MVB12B: variants seen among roughly 807,000 people sequenced by gnomAD.
MVB12B encodes the protein multivesicular body subunit 12B.
In MVB12B, 16 loss-of-function variants were observed where a neutral mutation model predicts 41.6. The observed-to-expected ratio is 0.38, with a 90% confidence interval of 0.26 to 0.58. MVB12B has a LOEUF of 0.58. Ranked by LOEUF, MVB12B falls within the 20% of genes least tolerant of loss-of-function variation. MVB12B has a pLI of 0.62. For missense variants in MVB12B, 274 were observed against 380.2 expected, an observed-to-expected ratio of 0.72 and a Z score of 2.32; for synonymous variants, 133 against 139.7, an observed-to-expected ratio of 0.95 and a Z score of 0.34.
rs375644132 is a variant in MVB12B at position 126,484,050 on chromosome 9, G to A, written c.873+18G>A. The A allele has an allele frequency of 3.8e-5, 62 of 1,613,228 alleles. No individual in the cohort carries two copies. Among genetic ancestry groups the A allele is most frequent in the Non-Finnish European group, 4.9e-5 (58 of 1,179,382 alleles). On this transcript the variant is annotated intron_variant, in intron 9 of 9. Transcript: ENST00000361171. ...AAAAAGAGGTAAGCAAGCCATCAGG[G>A]GAGGGGAGGGCAGGCCTGGGCCATC...
At position 126,473,700 on chromosome 9, in the gene MVB12B, T is replaced by C. The variant is rs1184442945; in HGVS notation, c.758-7669T>C. On this transcript the variant is annotated intron_variant, in intron 7 of 9. Transcript: ENST00000361171. The surrounding 1 kb of genome is among the most constrained non-coding windows in gnomAD (Gnocchi z 4.0). ...CACAAGGACAGCACCACGGGGAAGC[T>C]GCTAAACCATCCACAAGAAATCCTC... Among the ~76,000 whole-genome samples, 2 of 152,202 alleles carry C rather than the reference T, an allele frequency of 1.3e-5. No homozygotes were observed. The highest frequency in any genetic ancestry group is 2.9e-5 in the Non-Finnish European group (2 of 68,036).
chr9:126,364,187 C>T (rs1830100785), intron 2 of MVB12B, among the ~76,000 whole-genome samples: 1 of 152,200 alleles, frequency 6.6e-6, no homozygotes, highest in South Asian at 2.1e-4. Context: ...GCAATTACAG[C>T]TGGCAATGTG....
chr9:126,498,867 G>A (rs1157323460), intron 9 of MVB12B, among the ~76,000 whole-genome samples: 2 of 152,196 alleles, frequency 1.3e-5, no homozygotes, highest in Non-Finnish European at 2.9e-5. Context: ...GGTGATTAGT[G>A]CAATTAATAC....
At position 126,392,562 on chromosome 9, in the gene MVB12B, G is replaced by A. The variant is rs1830990593; in HGVS notation, c.539+367G>A. Among the ~76,000 whole-genome samples the A allele has an allele frequency of 6.6e-6, 1 of 152,232 alleles. No homozygotes were observed. Among genetic ancestry groups the A allele is most frequent in the Admixed American group, 6.5e-5 (1 of 15,284 alleles). Reference sequence around the variant, plus strand: ...CCACGGGGCCAAGGCCACTGGATGTGGATATAAGTGAGGCAAAGGCCGTGC... The same window carrying A: ...CCACGGGGCCAAGGCCACTGGATGTAGATATAAGTGAGGCAAAGGCCGTGC... On this transcript the variant is annotated intron_variant, in intron 5 of 9. Transcript: ENST00000361171. The surrounding 1 kb of genome is among the most constrained non-coding windows in gnomAD (Gnocchi z 4.8).
chr9:126,337,502 T>C (rs918383999), intron 1 of MVB12B, among the ~76,000 whole-genome samples: 1 of 152,196 alleles, frequency 6.6e-6, no homozygotes, highest in African/African-American at 2.4e-5. Flanking sequence ...TTTTAAAATA[T>C]AATTAGTGTT....
At chr9:126,446,603 G>A (rs1276878569) in intron 7 of MVB12B, among the ~76,000 whole-genome samples, 1 of 150,260 alleles carries the variant, frequency 6.7e-6, no homozygotes, top group Non-Finnish European at 1.5e-5. Flanking sequence ...GTTTCTTTCA[G>A]CATTAGTGAT....
At chr9:126,400,947 G>A (rs113059342) in intron 6 of MVB12B, among the ~76,000 whole-genome samples, 5 of 152,276 alleles carry the variant, frequency 3.3e-5, no homozygotes, top group African/African-American at 7.2e-5. Flanking sequence ...TAGGATTTTC[G>A]GGACATCTCA....
intron 7 of MVB12B, among the ~76,000 whole-genome samples, chr9:126,434,746 G>A (rs141992119): frequency 0.013 from 2,048 of 152,290 alleles, 23 homozygotes; most frequent in Non-Finnish European, 0.019. Flanking sequence ...GGCCCAAGAC[G>A]TAGCTTCTTT....
At chr9:126,462,166 GAATA>G (rs1157296089) in intron 7 of MVB12B, among the ~76,000 whole-genome samples, 1 of 152,206 alleles carries the variant, frequency 6.6e-6, no homozygotes, top group African/African-American at 2.4e-5. Context: ...TTAATTATTT[GAATA>G]AATAACAAGT....
intron 6 of MVB12B, among the ~76,000 whole-genome samples, chr9:126,415,957 C>T (rs1040526809): frequency 2.0e-5 from 3 of 152,282 alleles, no homozygotes; most frequent in South Asian, 2.1e-4. Context: ...TGCAAAGGCC[C>T]TAAGGCAGGA....
intron 5 of MVB12B, among the ~76,000 whole-genome samples, chr9:126,394,260 A>C (rs535011529): frequency 6.6e-6 from 1 of 152,358 alleles, no homozygotes; most frequent in South Asian, 2.1e-4. Flanking sequence ...CAATTTAGTA[A>C]TGAACTTTTA....
chr9:126,386,874 G>A lies in MVB12B; in HGVS notation c.409+216G>A, dbSNP rs915523583. Among the ~76,000 whole-genome samples the A allele has an allele frequency of 2.0e-5, 3 of 152,104 alleles. No homozygotes were observed. Among genetic ancestry groups the A allele is most frequent in the South Asian group, 2.1e-4 (1 of 4,828 alleles). On this transcript the variant is annotated intron_variant, in intron 4 of 9. Coordinates refer to ENST00000361171, the MANE Select transcript of MVB12B (RefSeq NM_033446.3). The surrounding 1 kb of genome is among the most constrained non-coding windows in gnomAD (Gnocchi z 4.3). Reference sequence around the variant, plus strand: ...GTAGCAGCATGTAAATGAGCAGAACGTGCCTTTCTTTTAGAATGGTGCTCC... The same window carrying A: ...GTAGCAGCATGTAAATGAGCAGAACATGCCTTTCTTTTAGAATGGTGCTCC...
chr9:126,329,142 A>G (rs1411636377), intron 1 of MVB12B, among the ~76,000 whole-genome samples: 1 of 152,084 alleles, frequency 6.6e-6, no homozygotes, highest in Non-Finnish European at 1.5e-5. Context: ...AGAACACTGG[A>G]CTTGGATTTA....
chr9:126,471,014 C>T (rs1000455429), intron 7 of MVB12B, among the ~76,000 whole-genome samples: 6 of 152,154 alleles, frequency 3.9e-5, no homozygotes, highest in African/African-American at 1.4e-4. Flanking sequence ...AATGTCATTG[C>T]AGTCCAGGTA....
intron 6 of MVB12B, among the ~76,000 whole-genome samples, chr9:126,414,247 GA>G (rs1831740685): frequency 6.6e-6 from 1 of 152,234 alleles, no homozygotes; most frequent in Admixed American, 6.5e-5. Context: ...TGACTTGGGG[GA>G]AAAAATGAAA....
rs1291659864 is a variant in MVB12B at position 126,396,703 on chromosome 9, A to G, written c.662+1006A>G. 6.1e-6 allele frequency: 6 copies of G among 985,306 alleles called. No homozygotes were observed. In the South Asian group the frequency reaches 1.4e-4, roughly 23 times the overall value. The allele number at this position is 985,306 out of a possible 1,614,324, so 61.0% of individuals were successfully genotyped here. On this transcript the variant is annotated intron_variant, in intron 6 of 9. Transcript: ENST00000361171. ...ACTCTGTCCTCTGGGACATCCCCCT[A>G]TAAAGACAATCTGGTCCTTCTCATG... is the stretch of plus-strand genomic sequence containing the variant.
In MVB12B at chr9:126,507,017, A is replaced by G. The variant is rs1307194698; in HGVS notation, c.*3754A>G. The G allele has an allele frequency of 6.5e-6, 1 of 152,680 alleles. No individual in the cohort carries two copies. The highest frequency in any genetic ancestry group is 6.5e-5 in the Admixed American group (1 of 15,284). 9.5% of individuals were successfully genotyped at this position (152,680 alleles called of 1,614,324 possible). On this transcript the variant is annotated 3_prime_UTR_variant, in exon 10 of 10. Transcript: ENST00000361171. ...CTGTATTCTTAATATAATTTGTTAA[A>G]TAAACGTTTGTTTTAACCTCTTTCC...
chr9:126,367,200 T>C lies in MVB12B; in HGVS notation c.205-13864T>C, dbSNP rs1318578260. On this transcript the variant is annotated intron_variant, in intron 2 of 9. Transcript: ENST00000361171. This position sits in a 1 kb window ranked among gnomAD's most constrained non-coding sequence, Gnocchi z 4.3. ...CCATCTCGACTCCAGGTTTCTCCTA[T>C]AAGCGCCACTCTGAGAATTTCTCCT... Among the ~76,000 whole-genome samples, 1 of 152,110 alleles carries C rather than the reference T, an allele frequency of 6.6e-6. No individual in the cohort carries two copies. The highest frequency in any genetic ancestry group is 1.5e-5 in the Non-Finnish European group (1 of 68,008).
intron 7 of MVB12B, among the ~76,000 whole-genome samples, chr9:126,458,594 G>A (rs563545369): frequency 2.6e-5 from 4 of 152,178 alleles, no homozygotes; most frequent in East Asian, 3.9e-4. Context: ...TGGGCCTTGC[G>A]TTTCATGGTG....
Sources: gnomAD v4.1 joint callset for allele counts (sites outside exome capture counted in the v4.1 genomes callset) on GRCh38, gnomAD v4.1.1 for gene constraint, Gnocchi (gnomAD v3.1) non-coding constraint, MANE v1.5 for transcripts, NCBI Gene and HGNC (gene_info 2026-07-23, HGNC 2026-07-21) for gene names.